CTNNA2: variants seen among roughly 807,000 people sequenced by gnomAD.
CTNNA2 encodes catenin alpha 2, also known as catenin alpha-2.
Under a neutral mutation model 101.0 loss-of-function variants are expected in CTNNA2, and 42 were observed. The ratio of observed to expected loss-of-function variants is 0.42; its 90% CI spans 0.32 to 0.54. The LOEUF (loss-of-function observed/expected upper bound fraction) is 0.54, where lower values mean the gene tolerates loss of function less well. CTNNA2 is among the 20% of genes least tolerant of loss of function. CTNNA2 has a pLI of 0.14. For synonymous variants in CTNNA2, 450 were observed against 456.4 expected (o/e 0.99, Z 0.18); for missense variants, 871 against 1,223.1 (o/e 0.71, Z 4.29).
chr2:79,615,957 G>A (rs1384037955), intron 1 of CTNNA2, among the ~76,000 whole-genome samples: 2 of 152,146 alleles, frequency 1.3e-5, no homozygotes, highest in Admixed American at 6.5e-5. Flanking sequence ...CCATAGCTGC[G>A]TGCCTTGCCA....
At chr2:79,344,637 A>T (rs1573101429) in intron 3 of CTNNA2, among the ~76,000 whole-genome samples, 3 of 151,974 alleles carry the variant, frequency 2.0e-5, no homozygotes, top group Non-Finnish European at 2.9e-5. Flanking sequence ...AATAAAGTCC[A>T]GTTCAAAATT....
chr2:80,581,550 A>G (rs909853231), intron 13 of CTNNA2, among the ~76,000 whole-genome samples, 156 bp from the exon 14 acceptor site: 1 of 152,154 alleles, frequency 6.6e-6, no homozygotes, highest in African/African-American at 2.4e-5. Flanking sequence ...TTCTGACTGC[A>G]TTCCGGCTAA....
chr2:80,101,363 C>T (rs1430711357), intron 7 of CTNNA2, among the ~76,000 whole-genome samples: 2 of 152,158 alleles, frequency 1.3e-5, no homozygotes, highest in Non-Finnish European at 2.9e-5. Context: ...TGACACTGTA[C>T]ATTATGATTT....
intron 1 of CTNNA2, among the ~76,000 whole-genome samples, chr2:79,624,692 G>GCACCAGAT (rs1679198576): frequency 6.6e-6 from 1 of 152,068 alleles, no homozygotes; most frequent in Non-Finnish European, 1.5e-5. Flanking sequence ...TTTGACTTCT[G>GCACCAGAT]CACCAGATTC....
At chr2:80,378,316 A>G (rs1216215780) in intron 7 of CTNNA2, among the ~76,000 whole-genome samples, 1 of 151,652 alleles carries the variant, frequency 6.6e-6, no homozygotes, top group African/African-American at 2.4e-5. Context: ...AGATTGCGCC[A>G]TTGTACTCCA....
intron 4 of CTNNA2, among the ~76,000 whole-genome samples, chr2:79,376,451 G>GTTTTTTTTTTTT (rs200549562): frequency 6.7e-6 from 1 of 148,886 alleles, no homozygotes. Flanking sequence ...TTGTTGGTTG[G>GTTTTTTTTTTTT]TTTTGTTTTT....
At chr2:80,498,127 A>G (rs1687610711) in intron 9 of CTNNA2, among the ~76,000 whole-genome samples, 1 of 152,194 alleles carries the variant, frequency 6.6e-6, no homozygotes, top group African/African-American at 2.4e-5. Flanking sequence ...ACAACAAACA[A>G]ACAACAACCA....
intron 15 of CTNNA2, among the ~76,000 whole-genome samples, chr2:80,598,655 T>C (rs1432745694): frequency 1.4e-5 from 2 of 145,124 alleles, no homozygotes; most frequent in East Asian, 4.6e-4. Flanking sequence ...GGGCAAATGG[T>C]TAAATGGTTA....
intron 7 of CTNNA2, among the ~76,000 whole-genome samples, chr2:80,146,895 G>T (rs1306640975): frequency 1.4e-5 from 2 of 147,270 alleles, no homozygotes; most frequent in African/African-American, 5.0e-5. Context: ...TGGGATTACA[G>T]GTTTCCACCA....
intron 9 of CTNNA2, among the ~76,000 whole-genome samples, chr2:80,421,802 C>CA (rs754594979): frequency 0.14 from 9,195 of 66,846 alleles, 516 homozygotes; most frequent in African/African-American, 0.27. Context: ...TGCATATATA[C>CA]AAAAAAAAAA....
chr2:79,432,528 T>C (rs1353962235), intron 4 of CTNNA2, among the ~76,000 whole-genome samples: 1 of 152,236 alleles, frequency 6.6e-6, no homozygotes, highest in Non-Finnish European at 1.5e-5. Flanking sequence ...TCCTTCGTTA[T>C]TAGTTATCCA....
chr2:79,228,808 A>C (rs187932612), intron 2 of CTNNA2, among the ~76,000 whole-genome samples: 1 of 152,164 alleles, frequency 6.6e-6, no homozygotes, highest in Non-Finnish European at 1.5e-5. Flanking sequence ...TTGAGGACTT[A>C]GCCATAAATT....
intron 4 of CTNNA2, among the ~76,000 whole-genome samples, chr2:79,464,699 C>G (rs1006513032): frequency 6.6e-6 from 1 of 152,130 alleles, no homozygotes; most frequent in Non-Finnish European, 1.5e-5. Flanking sequence ...GATGGTATCT[C>G]ATTGTGGTTT....
At chr2:80,216,242 C>A (rs1257027449) in intron 7 of CTNNA2, among the ~76,000 whole-genome samples, 1 of 152,152 alleles carries the variant, frequency 6.6e-6, no homozygotes, top group Non-Finnish European at 1.5e-5. Context: ...TGCTTCGGCT[C>A]ACACTGCGTG....
At chr2:79,226,342 G>A (rs1312991757) in intron 2 of CTNNA2, among the ~76,000 whole-genome samples, 1 of 152,108 alleles carries the variant, frequency 6.6e-6, no homozygotes, top group Non-Finnish European at 1.5e-5. Flanking sequence ...AACTGGAATA[G>A]CAATAGAGCC....
chr2:79,941,511 A>G (rs921719597), intron 7 of CTNNA2, among the ~76,000 whole-genome samples: 1 of 152,222 alleles, frequency 6.6e-6, no homozygotes, highest in African/African-American at 2.4e-5. Flanking sequence ...ATTGCCCCAC[A>G]AGTAGCAGGA....
chr2:79,335,574 A>G (rs1445311663), intron 3 of CTNNA2, among the ~76,000 whole-genome samples: 1 of 152,218 alleles, frequency 6.6e-6, no homozygotes, highest in Admixed American at 6.5e-5. Flanking sequence ...GAAAAGTCCC[A>G]AAAGTTCAAT....
At chr2:79,995,524 G>C (rs889854676) in intron 7 of CTNNA2, among the ~76,000 whole-genome samples, 1 of 152,064 alleles carries the variant, frequency 6.6e-6, no homozygotes, top group African/African-American at 2.4e-5. Context: ...GTTTTTAAAA[G>C]TCTGGGCCAG....
chr2:80,143,046 C>T (rs956763443), intron 7 of CTNNA2, among the ~76,000 whole-genome samples: 1 of 152,172 alleles, frequency 6.6e-6, no homozygotes, highest in Non-Finnish European at 1.5e-5. Context: ...GGAAGGGCCA[C>T]GGGATCATCC....
Sources: allele counts gnomAD v4.1 joint callset (sites outside exome capture counted in the v4.1 genomes callset), GRCh38; gene constraint gnomAD v4.1.1; transcripts MANE v1.5; gene names NCBI Gene and HGNC (gene_info 2026-07-23, HGNC 2026-07-21).